The following RNF130 variants were observed in gnomAD, a reference collection of about 807,000 sequenced individuals.
The protein encoded by RNF130 is ring finger protein 130.
Under a neutral mutation model 44.6 loss-of-function variants are expected in RNF130, and 21 were observed. The ratio of observed to expected loss-of-function variants is 0.47; its 90% CI spans 0.33 to 0.68. The LOEUF (loss-of-function observed/expected upper bound fraction) is 0.68, where lower values mean the gene tolerates loss of function less well. RNF130 is among the 30% of genes least tolerant of loss of function. RNF130 has a pLI of 0.02. For missense variants in RNF130, 479 were observed against 560.6 expected (o/e 0.85, Z 1.47); for synonymous variants, 214 against 210.4 (o/e 1.02, Z -0.15).
At chr5:179,932,159 TTC>T (rs1761819046) in intron 7 of RNF130, among the ~76,000 whole-genome samples, 5 of 152,228 alleles carry the variant, frequency 3.3e-5, no homozygotes, top group Admixed American at 3.3e-4. Context: ...AGGGTGTTCC[TTC>T]AGAAGCAAAG....
At chr5:180,013,396 T>G in intron 2 of RNF130, 85 bp from the exon 3 acceptor site, 1 of 1,201,262 alleles carries the variant, frequency 8.3e-7, no homozygotes, top group African/African-American at 1.5e-5. Context: ...CTTAGGTAAC[T>G]ACTATAATGT....
intron 5 of RNF130, among the ~76,000 whole-genome samples, chr5:179,974,125 G>A (rs967182291): frequency 6.6e-6 from 1 of 152,166 alleles, no homozygotes; most frequent in Non-Finnish European, 1.5e-5. Flanking sequence ...AAAGGATGCA[G>A]GATTATTAAA....
chr5:179,947,246 G>C (rs1028522238), intron 7 of RNF130, among the ~76,000 whole-genome samples: 2 of 152,160 alleles, frequency 1.3e-5, no homozygotes, highest in African/African-American at 4.8e-5. Context: ...TTCAGGACCA[G>C]TCTGCATTCA....
At chr5:179,971,586 G>A (rs187401825) in intron 5 of RNF130, among the ~76,000 whole-genome samples, 86 of 152,274 alleles carry the variant, frequency 5.6e-4, no homozygotes, top group African/African-American at 2.1e-3. Flanking sequence ...AGCCAGGATG[G>A]TTTCCATCTC....
At chr5:179,951,622 T>C (rs1395711954), downstream of RNF130, among the ~76,000 whole-genome samples, 1 of 152,170 alleles carries the variant, frequency 6.6e-6, no homozygotes, top group African/African-American at 2.4e-5. Flanking sequence ...ATATGTACAT[T>C]CTTAAGTGCA....
chr5:180,056,242 G>C lies in RNF130; in HGVS notation c.247+15214C>G, dbSNP rs936664483. Among the ~76,000 whole-genome samples the C allele has an allele frequency of 3.9e-5, 5 of 129,576 alleles. No homozygotes were observed. The Admixed American group carries it at 4.3e-4, about 11-fold the overall frequency. 85.0% of individuals were successfully genotyped at this position (129,576 alleles called of 152,430 possible). A position where few individuals can be genotyped will look rare whatever the true frequency, so the allele number is the denominator to read the frequency against. On this transcript the variant is annotated intron_variant, in intron 1 of 8. Transcript: ENST00000521389. Reference sequence around the variant, plus strand: ...AGCCTAAGTGTTGAGCCTTAAGATAGTATCTGTGGGGAAAAAAAAAAAAAC... The same window carrying C: ...AGCCTAAGTGTTGAGCCTTAAGATACTATCTGTGGGGAAAAAAAAAAAAAC...
chr5:180,034,330 A>G (rs898536554), intron 2 of RNF130, among the ~76,000 whole-genome samples: 1 of 152,170 alleles, frequency 6.6e-6, no homozygotes, highest in African/African-American at 2.4e-5. Flanking sequence ...ATATTGGTAT[A>G]TAGTTTCCAT....
At chr5:180,069,693 A>G (rs1765201089) in intron 1 of RNF130, among the ~76,000 whole-genome samples, 1 of 152,250 alleles carries the variant, frequency 6.6e-6, no homozygotes, top group African/African-American at 2.4e-5. Flanking sequence ...ACAGATGAGC[A>G]AACAGGCTAA....
chr5:179,974,036 G>A (rs779645316), intron 5 of RNF130, among the ~76,000 whole-genome samples: 53 of 152,116 alleles, frequency 3.5e-4, no homozygotes, highest in Non-Finnish European at 6.2e-4. Flanking sequence ...GCTGCGGGAG[G>A]GGAGGCCTCT....
intron 7 of RNF130, among the ~76,000 whole-genome samples, chr5:179,931,205 T>C (rs1186542750): frequency 6.6e-6 from 1 of 152,128 alleles, no homozygotes; most frequent in African/African-American, 2.4e-5. Context: ...GTACCGCACA[T>C]CTGAACTGGG....
At chr5:179,949,068 G>C (rs248329) in intron 7 of RNF130, among the ~76,000 whole-genome samples, 103,904 of 150,888 alleles carry the variant, frequency 0.69, 36,758 homozygotes, top group African/African-American at 0.84. Flanking sequence ...CGGGTTCAAG[G>C]GATTCTCCTG....
intron 2 of RNF130, among the ~76,000 whole-genome samples, chr5:180,028,754 G>GTA (rs1243246090): frequency 6.6e-6 from 1 of 152,088 alleles, no homozygotes; most frequent in Non-Finnish European, 1.5e-5. Context: ...CATATAGCAG[G>GTA]TATAAATCGA....
At chr5:179,991,997 G>C (rs868776866) in intron 3 of RNF130, among the ~76,000 whole-genome samples, 12 of 152,218 alleles carry the variant, frequency 7.9e-5, no homozygotes, top group Admixed American at 3.3e-4. Flanking sequence ...CTGAGAGGAG[G>C]AGCAGCTCAG....
At chr5:180,060,799 C>T (rs903036377) in intron 1 of RNF130, among the ~76,000 whole-genome samples, 3 of 152,036 alleles carry the variant, frequency 2.0e-5, no homozygotes, top group African/African-American at 7.2e-5. Flanking sequence ...AAGCTATGTT[C>T]GGCCGGGCGC....
chr5:179,982,619 A>G (rs1762864098), intron 3 of RNF130, among the ~76,000 whole-genome samples: 1 of 152,048 alleles, frequency 6.6e-6, no homozygotes, highest in Non-Finnish European at 1.5e-5. Flanking sequence ...TCTGCTTCCC[A>G]AACTGGAGTA....
intron 2 of RNF130, among the ~76,000 whole-genome samples, chr5:180,032,792 C>T (rs975009181): frequency 1.3e-5 from 2 of 152,182 alleles, no homozygotes; most frequent in Non-Finnish European, 2.9e-5. Context: ...AATGCTTTGG[C>T]TATTCTAGGT....
intron 3 of RNF130, among the ~76,000 whole-genome samples, chr5:179,993,681 T>G (rs998536407): frequency 6.6e-6 from 1 of 152,248 alleles, no homozygotes; most frequent in Non-Finnish European, 1.5e-5. Flanking sequence ...AGGTTGCCTG[T>G]TCACTCTATT....
intron 2 of RNF130, among the ~76,000 whole-genome samples, chr5:180,038,869 A>G (rs1764338716): frequency 6.6e-6 from 1 of 152,200 alleles, no homozygotes; most frequent in Non-Finnish European, 1.5e-5. Context: ...CTCCCTATTC[A>G]TTTTTCTTCA....
At chr5:179,917,807 C>A (rs1439370631) in exon 8 of RNF130, 1 of 152,124 alleles carries the variant, frequency 6.6e-6, no homozygotes, top group Non-Finnish European at 1.5e-5. Context: ...AATTCAAGAC[C>A]AGCCTGGGCA....
Sources: gnomAD v4.1 joint callset for allele counts (sites outside exome capture counted in the v4.1 genomes callset) on GRCh38, gnomAD v4.1.1 for gene constraint, MANE v1.5 for transcripts, NCBI Gene and HGNC (gene_info 2026-07-23, HGNC 2026-07-21) for gene names.